The following NTM variants were observed in gnomAD, a reference collection of about 807,000 sequenced individuals.
The protein encoded by NTM is IgLON family member 2.
Under a neutral mutation model 42.1 loss-of-function variants are expected in NTM, and 13 were observed. The ratio of observed to expected loss-of-function variants is 0.31; its 90% CI spans 0.20 to 0.49. The LOEUF (loss-of-function observed/expected upper bound fraction) is 0.49. NTM is among the 20% of genes least tolerant of loss of function. NTM has a pLI of 0.99. For missense variants in NTM, 373 were observed against 452.8 expected (o/e 0.82, Z 1.60); for synonymous variants, 187 against 179.2 (o/e 1.04, Z -0.35).
chr11:131,867,493 TTATC>T (rs751999482), intron 1 of NTM, among the ~76,000 whole-genome samples: 10 of 151,640 alleles, frequency 6.6e-5, no homozygotes, highest in East Asian at 5.8e-4. Context: ...GTCTACCTGT[TTATC>T]TGTGAGCGTG....
chr11:132,092,266 A>G (rs1410237225), intron 2 of NTM, among the ~76,000 whole-genome samples: 1 of 152,192 alleles, frequency 6.6e-6, no homozygotes, highest in Non-Finnish European at 1.5e-5. Flanking sequence ...AAGAATTCCT[A>G]GGCATTATTT....
intron 2 of NTM, among the ~76,000 whole-genome samples, chr11:132,054,345 T>C (rs905829671): frequency 4.5e-5 from 6 of 133,410 alleles, no homozygotes; most frequent in East Asian, 2.2e-4. Flanking sequence ...ATTAGCACCT[T>C]AGAGTCTTGA....
At chr11:132,107,339 C>CTTCTTTT (rs1640202965) in intron 2 of NTM, among the ~76,000 whole-genome samples, 4 of 88,856 alleles carry the variant, frequency 4.5e-5, no homozygotes, top group African/African-American at 2.0e-4. Context: ...AAGATTTATC[C>CTTCTTTT]TTTTTTTTTT....
intron 1 of NTM, among the ~76,000 whole-genome samples, chr11:131,789,637 A>AGG (rs2090488568): frequency 4.1e-5 from 1 of 24,394 alleles, no homozygotes; most frequent in Non-Finnish European, 9.2e-5. Flanking sequence ...AGAAGAAGAA[A>AGG]AGAAGAAGAA....
intron 2 of NTM, among the ~76,000 whole-genome samples, chr11:132,093,373 A>G (rs1483790817): frequency 6.6e-6 from 1 of 152,210 alleles, no homozygotes; most frequent in Non-Finnish European, 1.5e-5. Context: ...GAAAGAGCAC[A>G]AGATTTGGAA....
intron 4 of NTM, among the ~76,000 whole-genome samples, chr11:132,216,175 A>G (rs940806052): frequency 1.3e-5 from 2 of 152,238 alleles, no homozygotes; most frequent in Non-Finnish European, 2.9e-5. Flanking sequence ...AGTCTTCACT[A>G]TGTAAATAGA....
intron 1 of NTM, among the ~76,000 whole-genome samples, chr11:131,824,389 C>T (rs2041889502): frequency 6.6e-6 from 1 of 152,148 alleles, no homozygotes; most frequent in Non-Finnish European, 1.5e-5. Context: ...GAACATTAGG[C>T]TCAAAGAAGT....
intron 1 of NTM, among the ~76,000 whole-genome samples, chr11:131,598,697 T>TTCTTTC (rs771537376): frequency 0.018 from 982 of 54,116 alleles, 140 homozygotes; most frequent in South Asian, 0.043. Flanking sequence ...CTTTCTTTCT[T>TTCTTTC]TCTTTCTTTC....
At chr11:131,658,078 T>C (rs1406305485) in intron 1 of NTM, among the ~76,000 whole-genome samples, 1 of 152,140 alleles carries the variant, frequency 6.6e-6, no homozygotes, top group East Asian at 1.9e-4. Flanking sequence ...TGGGACAACA[T>C]GGTTTTCTAT....
At position 131,895,485 on chromosome 11, in the gene NTM, T is replaced by C. The variant is rs145086286; in HGVS notation, c.83-16079T>C. On this transcript the variant is annotated intron_variant, in intron 1 of 8. Transcript: ENST00000683400. ...ATATTTGTTGAACTCACACTCAGGG[T>C]CATATACTTTGCTCAGTGTTGGGCA... Among the ~76,000 whole-genome samples the C allele has an allele frequency of 3.5e-4, 54 of 152,248 alleles. 1 individual carries two copies. Among genetic ancestry groups the C allele is most frequent in the Admixed American group, 1.1e-3 (17 of 15,290 alleles).
chr11:131,479,370 A>G (rs1953299679), intron 1 of NTM, among the ~76,000 whole-genome samples: 1 of 152,210 alleles, frequency 6.6e-6, no homozygotes. Context: ...GGTGGGAGAG[A>G]GCATGAGAGG....
chr11:131,529,578 C>T (rs1565605078), intron 1 of NTM, among the ~76,000 whole-genome samples: 2 of 152,274 alleles, frequency 1.3e-5, no homozygotes, highest in Non-Finnish European at 2.9e-5. Flanking sequence ...GTTTCTACAG[C>T]ATGGGAGACT....
chr11:132,050,798 G>T (rs11222887), intron 2 of NTM, among the ~76,000 whole-genome samples: 1 of 152,186 alleles, frequency 6.6e-6, no homozygotes, highest in Non-Finnish European at 1.5e-5. Flanking sequence ...AGGCAGAGGC[G>T]GAGCTTGCAG....
At chr11:132,004,813 G>T (rs1028122310) in intron 2 of NTM, among the ~76,000 whole-genome samples, 2 of 152,110 alleles carry the variant, frequency 1.3e-5, no homozygotes, top group Non-Finnish European at 2.9e-5. Context: ...AAGATTAAAA[G>T]AACTGCTCTC....
intron 1 of NTM, among the ~76,000 whole-genome samples, chr11:131,908,445 G>C (rs2137865063): frequency 6.6e-6 from 1 of 152,300 alleles, no homozygotes; most frequent in Non-Finnish European, 1.5e-5. Context: ...CTGAAAATTA[G>C]ATGCAAGAGC....
chr11:131,746,887 G>T (rs2081900428), intron 1 of NTM, among the ~76,000 whole-genome samples: 1 of 152,120 alleles, frequency 6.6e-6, no homozygotes, highest in African/African-American at 2.4e-5. Context: ...TGGAGCTGAG[G>T]TCCTCACATG....
chr11:131,944,041 A>G (rs2134251036), intron 2 of NTM, among the ~76,000 whole-genome samples: 1 of 152,254 alleles, frequency 6.6e-6, no homozygotes, highest in South Asian at 2.1e-4. Flanking sequence ...TCTGCTCATA[A>G]ACTTTTCTGA....
At chr11:131,543,120 G>A (rs1025934788) in intron 1 of NTM, among the ~76,000 whole-genome samples, 2 of 152,182 alleles carry the variant, frequency 1.3e-5, no homozygotes, top group Non-Finnish European at 2.9e-5. Flanking sequence ...AGTCTCTTGT[G>A]TGTCCTACTT....
At chr11:131,723,557 A>G (rs1313602938) in intron 1 of NTM, among the ~76,000 whole-genome samples, 1 of 151,716 alleles carries the variant, frequency 6.6e-6, no homozygotes, top group Non-Finnish European at 1.5e-5. Context: ...CTTTCCTTCC[A>G]TCCATCTTTC....
Sources: allele counts gnomAD v4.1 joint callset (sites outside exome capture counted in the v4.1 genomes callset), GRCh38; gene constraint gnomAD v4.1.1; transcripts MANE v1.5; gene names NCBI Gene and HGNC (gene_info 2026-07-23, HGNC 2026-07-21).